SGPP2: variants seen among roughly 807,000 people sequenced by gnomAD.
SGPP2 encodes sphingosine 1-phosphate phosphohydrolase 2.
Under a neutral mutation model 33.9 loss-of-function variants are expected in SGPP2, and 30 were observed. The ratio of observed to expected loss-of-function variants is 0.89; its 90% CI spans 0.66 to 1.20. The LOEUF is 1.20. Among genes scored for constraint, SGPP2 ranks in the 50% most tolerant of loss-of-function variants. The pLI is 0.00. For synonymous variants in SGPP2, 233 were observed against 225.0 expected, an observed-to-expected ratio of 1.04 and a Z score of -0.32; for missense variants, 458 against 532.1, an observed-to-expected ratio of 0.86 and a Z score of 1.37.
chr2:222,546,570 GT>G (rs1196665710), intron 4 of SGPP2, among the ~76,000 whole-genome samples: 2 of 152,138 alleles, frequency 1.3e-5, no homozygotes, highest in African/African-American at 4.8e-5. Flanking sequence ...TCCCCAGGGA[GT>G]TTTGCTTTTG....
At chr2:222,449,371 G>A (rs1205755572) in intron 1 of SGPP2, among the ~76,000 whole-genome samples, 1 of 152,124 alleles carries the variant, frequency 6.6e-6, no homozygotes, top group Non-Finnish European at 1.5e-5. Context: ...AAGCCCACCT[G>A]GGCCAGGTGA....
intron 1 of SGPP2, among the ~76,000 whole-genome samples, chr2:222,427,437 G>T (rs1352026679): frequency 1.3e-5 from 2 of 151,922 alleles, no homozygotes; most frequent in Non-Finnish European, 2.9e-5. Flanking sequence ...TGTTGTTGTT[G>T]TTGTTGTTAT....
intron 1 of SGPP2, among the ~76,000 whole-genome samples, chr2:222,435,173 C>A (rs994824996): frequency 6.6e-6 from 1 of 151,974 alleles, no homozygotes; most frequent in East Asian, 1.9e-4. Flanking sequence ...CAAGGAGAGC[C>A]AGTCTGAGTT....
chr2:222,523,061 C>T (rs1173567913), intron 3 of SGPP2, among the ~76,000 whole-genome samples: 1 of 152,106 alleles, frequency 6.6e-6, no homozygotes, highest in African/African-American at 2.4e-5. Flanking sequence ...GTCCCTTTAC[C>T]CCAGAAGCCC....
At chr2:222,468,287 A>G (rs886409457) in intron 1 of SGPP2, among the ~76,000 whole-genome samples, 26 of 152,102 alleles carry the variant, frequency 1.7e-4, no homozygotes, top group African/African-American at 6.0e-4. Flanking sequence ...TTTTCAGCCA[A>G]TTAGTACAGT....
At chr2:222,553,528 C>T (rs901705624) in intron 4 of SGPP2, among the ~76,000 whole-genome samples, 3 of 152,142 alleles carry the variant, frequency 2.0e-5, no homozygotes, top group Non-Finnish European at 2.9e-5. Context: ...TCCTGGGCCA[C>T]GCTTCTGATC....
chr2:222,505,655 C>G (rs528028321), intron 2 of SGPP2, among the ~76,000 whole-genome samples: 4 of 151,884 alleles, frequency 2.6e-5, no homozygotes, highest in African/African-American at 9.7e-5. Flanking sequence ...AAAATTAGGC[C>G]GGGCCTGGTG....
intron 2 of SGPP2, among the ~76,000 whole-genome samples, chr2:222,500,065 G>A (rs369011205): frequency 1.3e-5 from 2 of 152,194 alleles, no homozygotes; most frequent in East Asian, 3.8e-4. Context: ...TGGCTGAGTG[G>A]TGTTCATCCC....
In SGPP2 at chr2:222,476,073, G is replaced by A. The variant is rs1373103679; in HGVS notation, c.378+1347G>A. Among the ~76,000 whole-genome samples, 1 of 152,204 alleles carries A rather than the reference G, an allele frequency of 6.6e-6. No homozygotes were observed. The highest frequency in any genetic ancestry group is 6.5e-5 in the Admixed American group (1 of 15,290). On this transcript the variant is annotated intron_variant, in intron 2 of 4. Transcript: ENST00000321276. This position sits in a 1 kb window ranked among gnomAD's most constrained non-coding sequence, Gnocchi z 4.3. ...TAAGGTCAAAGGTTATTTAGCTGGT[G>A]GAGGGAACTTCCAGACAAGACTGTT... is the stretch of plus-strand genomic sequence containing the variant.
At chr2:222,546,382 C>G (rs80241722) in intron 4 of SGPP2, among the ~76,000 whole-genome samples, 7,055 of 152,208 alleles carry the variant, frequency 0.046, 358 homozygotes, top group African/African-American at 0.13. Context: ...ACCTTCTGCT[C>G]TCTTGAAACA....
intron 1 of SGPP2, among the ~76,000 whole-genome samples, chr2:222,470,619 A>AGGATTAACATATTGAACGT (rs138579673): frequency 1.3e-5 from 2 of 152,158 alleles, no homozygotes; most frequent in African/African-American, 4.8e-5. Flanking sequence ...ATTGTTTACT[A>AGGATTAACATATTGAACGT]GGTCTCAGGT....
intron 2 of SGPP2, among the ~76,000 whole-genome samples, chr2:222,498,061 G>A (rs1483607494): frequency 6.6e-6 from 1 of 152,076 alleles, no homozygotes; most frequent in African/African-American, 2.4e-5. Context: ...GAGACCACAG[G>A]CTCCTGAGTT....
At chr2:222,514,755 T>A (rs1383689454) in intron 2 of SGPP2, among the ~76,000 whole-genome samples, 1 of 152,210 alleles carries the variant, frequency 6.6e-6, no homozygotes, top group Non-Finnish European at 1.5e-5. Flanking sequence ...GTCCTGTGCA[T>A]TGAAAGGCAT....
intron 3 of SGPP2, among the ~76,000 whole-genome samples, chr2:222,524,281 A>G (rs1236399006): frequency 1.3e-5 from 2 of 152,264 alleles, no homozygotes; most frequent in African/African-American, 2.4e-5. Flanking sequence ...TTACTACAGT[A>G]TACCACAGAC....
chr2:222,468,859 T>G (rs1697795623), intron 1 of SGPP2, among the ~76,000 whole-genome samples: 1 of 152,202 alleles, frequency 6.6e-6, no homozygotes, highest in Admixed American at 6.5e-5. Flanking sequence ...ATCAGCAAGA[T>G]AGAGTAGCTC....
chr2:222,433,398 C>G (rs554389615), intron 1 of SGPP2, among the ~76,000 whole-genome samples: 4 of 152,238 alleles, frequency 2.6e-5, no homozygotes, highest in African/African-American at 9.6e-5. Context: ...AGGATTTACA[C>G]TTAATTGCAA....
intron 4 of SGPP2, among the ~76,000 whole-genome samples, chr2:222,555,445 G>GTTTTTTTTTTTTTTTTTTTTTTTTTCCT (rs57228014): frequency 1.2e-5 from 1 of 85,864 alleles, no homozygotes; most frequent in African/African-American, 4.6e-5. Context: ...TCTTTTATCC[G>GTTTTTTTTTTTTTTTTTTTTTTTTTCCT]TTTTTTTTTT....
rs1553537771 is a variant in SGPP2, at chr2:222,490,620, T to TTC, written c.378+15895_378+15896insCT. On this transcript the variant is annotated intron_variant, in intron 2 of 4. Transcript: ENST00000321276. ...ACCTGGCTAATTTTTTTTTTTTTTT[T>TTC]TTTTTGTAAAGGCAAGGTCTCACTA... Among the ~76,000 whole-genome samples, 99 of 143,140 alleles carry TTC rather than the reference T, an allele frequency of 6.9e-4. 2 individuals carry two copies. The South Asian group carries it at 8.1e-3, about 12-fold the overall frequency. The allele number at this position is 143,140 out of a possible 152,430, so 93.9% of individuals were successfully genotyped here.
intron 4 of SGPP2, among the ~76,000 whole-genome samples, chr2:222,552,394 A>T (rs2106155954): frequency 6.6e-6 from 1 of 152,224 alleles, no homozygotes; most frequent in Admixed American, 6.5e-5. Flanking sequence ...TTTTTTTATT[A>T]TGGCCATTGT....
Sources: allele counts gnomAD v4.1 joint callset (sites outside exome capture counted in the v4.1 genomes callset), GRCh38; gene constraint gnomAD v4.1.1; non-coding constraint Gnocchi (gnomAD v3.1); transcripts MANE v1.5; gene names NCBI Gene and HGNC (gene_info 2026-07-23, HGNC 2026-07-21).